Variants in HCN1 observed in about 807,000 individuals in gnomAD.
The protein encoded by HCN1 is potassium/sodium hyperpolarization-activated cyclic nucleotide-gated channel 1.
HCN1 carries 13 observed loss-of-function variants against 78.9 expected under a neutral mutation model. That is an observed-to-expected ratio of 0.16 (90% CI 0.11 to 0.26). The LOEUF (loss-of-function observed/expected upper bound fraction) is 0.26. Ranked by LOEUF, HCN1 falls within the 10% of genes least tolerant of loss-of-function variation. The probability of loss-of-function intolerance (pLI) is 1.00; values close to 1 mark genes in which losing one functional copy is unlikely to be tolerated. For synonymous variants in HCN1, 552 were observed against 455.5 expected (o/e 1.21, Z -2.70); for missense variants, 810 against 1,154.3 (o/e 0.70, Z 4.32).
chr5:45,661,701 C>T (rs1745939197), intron 1 of HCN1, among the ~76,000 whole-genome samples: 1 of 44,392 alleles, frequency 2.3e-5, no homozygotes, highest in South Asian at 9.4e-4. Flanking sequence ...ACTAGAAAAT[C>T]TAGAAGAAAT....
intron 1 of HCN1, among the ~76,000 whole-genome samples, chr5:45,648,699 T>C (rs904543725): frequency 6.6e-6 from 1 of 152,126 alleles, no homozygotes; most frequent in Admixed American, 6.6e-5. Flanking sequence ...TTCTCTTAGA[T>C]ACCCAAGCTC....
At chr5:45,679,174 A>G (rs1739655833) in intron 1 of HCN1, among the ~76,000 whole-genome samples, 1 of 152,046 alleles carries the variant, frequency 6.6e-6, no homozygotes, top group Non-Finnish European at 1.5e-5. Flanking sequence ...CTGTGTTCAA[A>G]TGTTAGTTTC....
intron 2 of HCN1, among the ~76,000 whole-genome samples, chr5:45,491,283 G>A (rs903038878): frequency 6.6e-5 from 10 of 152,054 alleles, no homozygotes; most frequent in South Asian, 6.2e-4. Context: ...TAAGTCTTAC[G>A]TCAAGCTTTA....
At chr5:45,456,450 A>G (rs530117901) in intron 3 of HCN1, among the ~76,000 whole-genome samples, 1 of 152,154 alleles carries the variant, frequency 6.6e-6, no homozygotes, top group African/African-American at 2.4e-5. Context: ...TGAAAGACCA[A>G]TTGTCTGCAC....
chr5:45,391,921 A>G (rs1739573533), intron 4 of HCN1, among the ~76,000 whole-genome samples: 1 of 152,132 alleles, frequency 6.6e-6, no homozygotes. Flanking sequence ...AGGAAAAGGC[A>G]GAATCTATGT....
At chr5:45,267,036 G>A (rs1744872737) in intron 7 of HCN1, 53 bp downstream of exon 7, 1 of 1,455,872 alleles carries the variant, frequency 6.9e-7, no homozygotes, top group South Asian at 1.1e-5. Context: ...TTGCAAACCT[G>A]TATTATGCCA....
intron 2 of HCN1, among the ~76,000 whole-genome samples, chr5:45,490,773 T>G (rs1157142594): frequency 6.6e-6 from 1 of 152,142 alleles, no homozygotes; most frequent in Non-Finnish European, 1.5e-5. Flanking sequence ...TAAATAAAGA[T>G]GAGTCTCCCC....
At chr5:45,501,049 G>A (rs968882482) in intron 2 of HCN1, among the ~76,000 whole-genome samples, 1 of 152,126 alleles carries the variant, frequency 6.6e-6, no homozygotes, top group Non-Finnish European at 1.5e-5. Flanking sequence ...TATCAGGGAT[G>A]AATGACTAGT....
chr5:45,514,026 C>G (rs1285240737), intron 2 of HCN1, among the ~76,000 whole-genome samples: 1 of 152,080 alleles, frequency 6.6e-6, no homozygotes, highest in Non-Finnish European at 1.5e-5. Flanking sequence ...TTTTCACCTG[C>G]TAATTTTTCC....
intron 2 of HCN1, among the ~76,000 whole-genome samples, chr5:45,592,161 C>T (rs1388277324): frequency 6.6e-6 from 1 of 152,072 alleles, no homozygotes. Context: ...TTTCTCTCTT[C>T]TTTGGCCACT....
chr5:45,328,134 A>G (rs1044275152), intron 5 of HCN1, among the ~76,000 whole-genome samples: 3 of 151,666 alleles, frequency 2.0e-5, no homozygotes, highest in African/African-American at 7.3e-5. Context: ...TTTGCTGTCA[A>G]TCAGAACACA....
chr5:45,375,107 AATATATAATATATT>A (rs1479419263), intron 4 of HCN1, among the ~76,000 whole-genome samples: 8 of 124,516 alleles, frequency 6.4e-5, no homozygotes, highest in South Asian at 2.2e-4. Context: ...AATATTTTAT[AATATATAATATATT>A]ATATATAATA....
intron 2 of HCN1, among the ~76,000 whole-genome samples, chr5:45,612,200 G>T (rs999055040): frequency 6.6e-6 from 1 of 152,018 alleles, no homozygotes; most frequent in Non-Finnish European, 1.5e-5. Flanking sequence ...ACTTACCCAA[G>T]AAGTGTTTCT....
intron 2 of HCN1, among the ~76,000 whole-genome samples, chr5:45,630,977 C>A (rs572420634): frequency 2.0e-5 from 3 of 152,084 alleles, no homozygotes; most frequent in African/African-American, 7.2e-5. Flanking sequence ...CATACAGGAG[C>A]TATATTATAA....
chr5:45,312,443 C>T (rs528885090), intron 5 of HCN1, among the ~76,000 whole-genome samples: 12 of 152,224 alleles, frequency 7.9e-5, no homozygotes, highest in African/African-American at 2.2e-4. Context: ...GTGTGAGCGA[C>T]GCAGAAGACG....
intron 5 of HCN1, among the ~76,000 whole-genome samples, chr5:45,321,007 AT>A (rs1233745938): frequency 1.3e-5 from 2 of 151,782 alleles, no homozygotes; most frequent in Non-Finnish European, 2.9e-5. Flanking sequence ...GGAGACCGGT[AT>A]TTGTTCTTGT....
chr5:45,608,352 GGTGTATGT>G (rs1426247321), intron 2 of HCN1, among the ~76,000 whole-genome samples: 1 of 111,190 alleles, frequency 9.0e-6, no homozygotes, highest in African/African-American at 3.4e-5. Context: ...GGGTAGGATG[GGTGTATGT>G]GTGTGTGTGT....
chr5:45,638,295 A>G (rs903320679), intron 2 of HCN1, among the ~76,000 whole-genome samples: 1 of 152,184 alleles, frequency 6.6e-6, no homozygotes. Context: ...TGGGTATATA[A>G]TTTAGAAACT....
chr5:45,427,346 GTTTATT>G (rs1388484603), intron 3 of HCN1, among the ~76,000 whole-genome samples: 5 of 151,644 alleles, frequency 3.3e-5, no homozygotes, highest in Non-Finnish European at 7.4e-5. Flanking sequence ...GGCTTATCTT[GTTTATT>G]TTTTATGACA....
Sources: allele counts gnomAD v4.1 joint callset (sites outside exome capture counted in the v4.1 genomes callset), GRCh38; gene constraint gnomAD v4.1.1; transcripts MANE v1.5; gene names NCBI Gene and HGNC (gene_info 2026-07-23, HGNC 2026-07-21).